Variants in POU6F2 observed in about 807,000 individuals in gnomAD.
POU6F2 encodes POU domain, class 6, transcription factor 2.
A neutral mutation model predicts 71.3 loss-of-function variants in POU6F2; 31 were observed. The ratio of observed to expected loss-of-function variants is 0.43; its 90% CI spans 0.33 to 0.59. POU6F2 has a LOEUF of 0.59. POU6F2 is among the 20% of genes least tolerant of loss of function. POU6F2 has a pLI of 0.04. For synonymous variants in POU6F2, 347 were observed against 355.7 expected (o/e 0.98, Z 0.27); for missense variants, 783 against 856.8 (o/e 0.91, Z 1.07).
At chr7:39,285,656 T>A (rs1784637727) in intron 4 of POU6F2, among the ~76,000 whole-genome samples, 1 of 152,154 alleles carries the variant, frequency 6.6e-6, no homozygotes, top group African/African-American at 2.4e-5. Flanking sequence ...TTAAATCATG[T>A]GAGTTAGATT....
chr7:38,986,427 A>G (rs1788465943), intron 1 of POU6F2, among the ~76,000 whole-genome samples: 1 of 152,110 alleles, frequency 6.6e-6, no homozygotes, highest in African/African-American at 2.4e-5. Flanking sequence ...CCTTCCAAAA[A>G]CAGGGGGGCT....
intron 4 of POU6F2, among the ~76,000 whole-genome samples, chr7:39,267,198 A>G (rs1342425564): frequency 1.3e-5 from 2 of 152,192 alleles, no homozygotes; most frequent in Admixed American, 1.3e-4. Flanking sequence ...CTACGGGAGG[A>G]GGCTGTGGAA....
intron 4 of POU6F2, among the ~76,000 whole-genome samples, chr7:39,313,819 C>T (rs147729024): frequency 8.5e-5 from 13 of 152,226 alleles, no homozygotes; most frequent in African/African-American, 2.6e-4. Context: ...TAAATTTTTC[C>T]GTTTTTCAAG....
rs576195006 is a variant in POU6F2 at position 39,111,993 on chromosome 7, A to T, written c.277+25962A>T. 1.3e-4 allele frequency among the ~76,000 whole-genome samples: 20 copies of T among 152,326 alleles called. No individual in the cohort carries two copies. The East Asian group carries it at 3.9e-3, about 29-fold the overall frequency. ...TATAAAATAGCTAAAATCGTTCAAA[A>T]TTAAATGTGGCCTGTTGAGAAGGTG... On this transcript the variant is annotated intron_variant, in intron 2 of 9. Transcript: ENST00000518318.
At chr7:39,145,501 T>C (rs17171543) in intron 2 of POU6F2, among the ~76,000 whole-genome samples, 5,380 of 152,328 alleles carry the variant, frequency 0.035, 306 homozygotes, top group African/African-American at 0.12. Context: ...CTGACCTGCA[T>C]TGTAACCTTC....
chr7:39,085,219 T>G (rs960966050), intron 1 of POU6F2: 2 of 152,182 alleles, frequency 1.3e-5, no homozygotes, highest in Non-Finnish European at 2.9e-5. Flanking sequence ...TTCATTTGAT[T>G]TGGGGTCAGC....
In POU6F2 at chr7:39,144,081, T is replaced by G. The variant is rs780735143; in HGVS notation, c.277+58050T>G. ...CTCTCTTTCCTTCCTTCTTCAAATATTTATAAAGTACCTTTGAGGTGTCAG... is the reference window on the plus strand; with the variant it reads ...CTCTCTTTCCTTCCTTCTTCAAATAGTTATAAAGTACCTTTGAGGTGTCAG... On this transcript the variant is annotated intron_variant, in intron 2 of 9. Coordinates refer to ENST00000518318, the MANE Select transcript of POU6F2 (RefSeq NM_001370959.1). 7.2e-5 allele frequency among the ~76,000 whole-genome samples: 11 copies of G among 152,308 alleles called. No homozygotes were observed. The South Asian group carries it at 1.0e-3, about 14-fold the overall frequency.
At chr7:39,066,910 C>G (rs1008291639) in intron 1 of POU6F2, among the ~76,000 whole-genome samples, 7 of 146,998 alleles carry the variant, frequency 4.8e-5, no homozygotes. Context: ...TATATAATAT[C>G]ATATTATTAT....
At chr7:39,247,247 C>G (rs562450685) in intron 4 of POU6F2, among the ~76,000 whole-genome samples, 59 of 152,078 alleles carry the variant, frequency 3.9e-4, no homozygotes, top group African/African-American at 1.3e-3. Context: ...GGCAAGTGGA[C>G]TGCTTGAGGC....
At chr7:39,305,256 A>G (rs1373938988) in intron 4 of POU6F2, among the ~76,000 whole-genome samples, 1 of 152,260 alleles carries the variant, frequency 6.6e-6, no homozygotes, top group Non-Finnish European at 1.5e-5. Context: ...CTAAGGCTTA[A>G]TTAAATCAAG....
chr7:39,339,084 A>ATTT (rs778210474), intron 4 of POU6F2, among the ~76,000 whole-genome samples: 1,902 of 136,598 alleles, frequency 0.014, 31 homozygotes, highest in African/African-American at 0.041. Context: ...TGAATTTTTA[A>ATTT]AAAAAAAAAA....
chr7:39,448,786 G>T (rs1788584767), intron 7 of POU6F2, among the ~76,000 whole-genome samples: 1 of 152,142 alleles, frequency 6.6e-6, no homozygotes, highest in Admixed American at 6.5e-5. Context: ...TAAAACCGAA[G>T]ACAATCTAAT....
At chr7:39,030,055 A>G (rs1789902574) in intron 1 of POU6F2, among the ~76,000 whole-genome samples, 1 of 152,102 alleles carries the variant, frequency 6.6e-6, no homozygotes, top group Admixed American at 6.6e-5. Flanking sequence ...GCTTAGGGGA[A>G]GTATTTCTTC....
chr7:39,157,635 G>T (rs747458526), intron 2 of POU6F2, among the ~76,000 whole-genome samples: 1 of 152,162 alleles, frequency 6.6e-6, no homozygotes, highest in Non-Finnish European at 1.5e-5. Context: ...AAATAAAACC[G>T]TATTAAGGTT....
chr7:39,078,806 T>C lies in POU6F2; in HGVS notation c.106-7054T>C, dbSNP rs545050536. ...GCAGGAGCAATTCCTGAGAAAGGAC[T>C]CCTCTGCTGTGAGCCATTGAGGGGC... On this transcript the variant is annotated intron_variant, in intron 1 of 9. Coordinates refer to ENST00000518318, the MANE Select transcript of POU6F2 (RefSeq NM_001370959.1). Among the ~76,000 whole-genome samples the C allele has an allele frequency of 3.2e-4, 49 of 152,314 alleles. 1 individual carries two copies. The highest frequency in any genetic ancestry group is 9.8e-4 in the Admixed American group (15 of 15,304).
chr7:39,260,549 C>CATACCACATTCCACACACAT (rs143692558), intron 4 of POU6F2, among the ~76,000 whole-genome samples: 1,668 of 149,844 alleles, frequency 0.011, 51 homozygotes, highest in African/African-American at 0.039. Flanking sequence ...GTTCCACACA[C>CATACCACATTCCACACACAT]ACCACATTCC....
chr7:39,177,905 T>C (rs999714487), intron 2 of POU6F2, among the ~76,000 whole-genome samples: 1 of 152,242 alleles, frequency 6.6e-6, no homozygotes, highest in African/African-American at 2.4e-5. Context: ...AGCATAAGTT[T>C]ATAACTGTAA....
chr7:39,326,345 T>C (rs1200639569), intron 4 of POU6F2, among the ~76,000 whole-genome samples: 1 of 152,210 alleles, frequency 6.6e-6, no homozygotes, highest in Non-Finnish European at 1.5e-5. Flanking sequence ...GTTTCTGCCA[T>C]GTTCTTCACC....
chr7:39,029,495 G>A (rs1049785307), intron 1 of POU6F2, among the ~76,000 whole-genome samples: 1 of 151,220 alleles, frequency 6.6e-6, no homozygotes, highest in African/African-American at 2.4e-5. Context: ...TTTCTGGGAG[G>A]GGGGGGTGGA....
Sources: allele counts gnomAD v4.1 joint callset (sites outside exome capture counted in the v4.1 genomes callset), GRCh38; gene constraint gnomAD v4.1.1; transcripts MANE v1.5; gene names NCBI Gene and HGNC (gene_info 2026-07-23, HGNC 2026-07-21).